The following WAPL variants were observed in gnomAD, a reference collection of about 807,000 sequenced individuals.
The protein encoded by WAPL is WAPL cohesin release factor, also known as wings apart-like protein homolog.
In WAPL, 5 loss-of-function variants were observed where a neutral mutation model predicts 121.0. That is an observed-to-expected ratio of 0.04 (90% CI 0.02 to 0.09). The LOEUF (loss-of-function observed/expected upper bound fraction) is 0.09, where lower values mean the gene tolerates loss of function less well. Among genes scored for constraint, WAPL ranks in the 10% least tolerant of loss-of-function variants. WAPL has a pLI of 1.00. For synonymous variants in WAPL, 480 were observed against 481.5 expected (o/e 1.00, Z 0.04); for missense variants, 999 against 1,410.8 (o/e 0.71, Z 4.68).
chr10:86,449,472 A>G (rs1840915403), intron 15 of WAPL, among the ~76,000 whole-genome samples: 2 of 152,276 alleles, frequency 1.3e-5, no homozygotes, highest in African/African-American at 4.8e-5. Context: ...AAGACAGAGA[A>G]GATATAGGAT....
intron 15 of WAPL, among the ~76,000 whole-genome samples, chr10:86,451,340 A>T (rs1840972875): frequency 6.6e-6 from 1 of 152,156 alleles, no homozygotes; most frequent in Non-Finnish European, 1.5e-5. Context: ...ATAAAGTAAG[A>T]ATGCATTCTA....
intron 4 of WAPL, among the ~76,000 whole-genome samples, chr10:86,491,612 C>A (rs1428306551): frequency 6.6e-6 from 1 of 151,832 alleles, no homozygotes; most frequent in Non-Finnish European, 1.5e-5. Flanking sequence ...ATAAGATGAG[C>A]CTGAGCCATC....
chr10:86,475,057 T>TCA (rs1210437497), intron 4 of WAPL, among the ~76,000 whole-genome samples: 2 of 152,200 alleles, frequency 1.3e-5, no homozygotes, highest in African/African-American at 2.4e-5. Context: ...GTAAAGTCCC[T>TCA]CACACATCAA....
intron 12 of WAPL, among the ~76,000 whole-genome samples, chr10:86,458,259 G>A (rs971331200): frequency 2.0e-5 from 3 of 152,216 alleles, no homozygotes; most frequent in African/African-American, 4.8e-5. Flanking sequence ...CAGATATCAA[G>A]AACTAGGACA....
At chr10:86,499,305 T>C in intron 3 of WAPL, among the ~76,000 whole-genome samples, 1 of 152,142 alleles carries the variant, frequency 6.6e-6, no homozygotes, top group East Asian at 1.9e-4. Context: ...TATAACAAGC[T>C]AAACTTGAGT....
intron 4 of WAPL, among the ~76,000 whole-genome samples, chr10:86,476,173 G>A (rs559457057): frequency 8.8e-4 from 133 of 151,718 alleles, no homozygotes; most frequent in African/African-American, 3.1e-3. Context: ...AGACCATCCT[G>A]GTTAACACGG....
At chr10:86,443,516 A>T (rs1163423238) in intron 16 of WAPL, 153 bp from the exon 17 acceptor site, 2 of 497,692 alleles carry the variant, frequency 4.0e-6, no homozygotes, top group Non-Finnish European at 6.8e-6. Flanking sequence ...ACAAAAATTT[A>T]ATCAAAATGA....
intron 2 of WAPL, among the ~76,000 whole-genome samples, chr10:86,508,806 G>C (rs1309280329): frequency 7.0e-6 from 1 of 143,176 alleles, no homozygotes; most frequent in East Asian, 2.1e-4. Flanking sequence ...CCAGGCTGGA[G>C]TGCAGTGGCG....
chr10:86,514,401 T>G (rs1161834294), intron 2 of WAPL, among the ~76,000 whole-genome samples: 1 of 152,186 alleles, frequency 6.6e-6, no homozygotes, highest in Non-Finnish European at 1.5e-5. Flanking sequence ...GCTGCCAAGG[T>G]TGTTGCAACT....
chr10:86,507,506 A>G (rs975191145), intron 2 of WAPL, among the ~76,000 whole-genome samples: 4 of 151,834 alleles, frequency 2.6e-5, no homozygotes, highest in African/African-American at 9.7e-5. Context: ...AGGATTTTAC[A>G]CCATATTTAT....
intron 15 of WAPL, among the ~76,000 whole-genome samples, chr10:86,450,370 G>A (rs911800034): frequency 5.9e-5 from 9 of 152,226 alleles, no homozygotes; most frequent in Admixed American, 5.2e-4. Context: ...CGAGCAGCTG[G>A]TACTATGAGC....
chr10:86,513,819 A>G (rs189344291), intron 2 of WAPL, among the ~76,000 whole-genome samples: 52 of 152,340 alleles, frequency 3.4e-4, no homozygotes, highest in Admixed American at 9.8e-4. Context: ...TATGAACGAG[A>G]AGGACACTCA....
At chr10:86,483,401 C>T (rs542710569) in intron 4 of WAPL, among the ~76,000 whole-genome samples, 1 of 149,596 alleles carries the variant, frequency 6.7e-6, no homozygotes, top group Non-Finnish European at 1.5e-5. Flanking sequence ...GCCTGGACAA[C>T]AAGAGCAAAA....
At chr10:86,467,960 G>A (rs1291812588) in intron 8 of WAPL, among the ~76,000 whole-genome samples, 1 of 152,158 alleles carries the variant, frequency 6.6e-6, no homozygotes, top group African/African-American at 2.4e-5. Context: ...TAACAGGTGT[G>A]AGCCACCACG....
intron 4 of WAPL, among the ~76,000 whole-genome samples, chr10:86,479,609 T>A (rs1841736108): frequency 6.6e-6 from 1 of 152,222 alleles, no homozygotes; most frequent in African/African-American, 2.4e-5. Context: ...AGAGCAAATT[T>A]ATTTATACGT....
intron 4 of WAPL, among the ~76,000 whole-genome samples, chr10:86,496,604 G>A (rs1842154765): frequency 6.6e-6 from 1 of 152,074 alleles, no homozygotes; most frequent in African/African-American, 2.4e-5. Context: ...GGTGGTGTGT[G>A]TATGTCTCAC....
intron 17 of WAPL, among the ~76,000 whole-genome samples, chr10:86,439,674 A>G (rs1849413452): frequency 6.6e-6 from 1 of 152,202 alleles, no homozygotes; most frequent in African/African-American, 2.4e-5. Flanking sequence ...TTGCAACACT[A>G]AACAGTCATG....
chr10:86,493,534 T>A (rs1482678717), intron 4 of WAPL, among the ~76,000 whole-genome samples: 1 of 152,106 alleles, frequency 6.6e-6, no homozygotes, highest in East Asian at 1.9e-4. Flanking sequence ...TTCATTTATT[T>A]ATTTATTTAT....
chr10:86,452,241 C>T, intron 14 of WAPL, 110 bp from the exon 15 acceptor site: 1 of 1,038,010 alleles, frequency 9.6e-7, no homozygotes, highest in Non-Finnish European at 1.4e-6. Context: ...CAGTGTTCTA[C>T]CACCTACAAA....
Sources: allele counts gnomAD v4.1 joint callset (sites outside exome capture counted in the v4.1 genomes callset), GRCh38; gene constraint gnomAD v4.1.1; transcripts MANE v1.5; gene names NCBI Gene and HGNC (gene_info 2026-07-23, HGNC 2026-07-21).